Variants in MACO1 observed in about 807,000 individuals in gnomAD.
MACO1 encodes the protein macoilin 1.
A neutral mutation model predicts 78.7 loss-of-function variants in MACO1; 14 were observed. The ratio of observed to expected loss-of-function variants is 0.18; its 90% CI spans 0.12 to 0.28. The LOEUF (loss-of-function observed/expected upper bound fraction) is 0.28, where lower values mean the gene tolerates loss of function less well. Among genes scored for constraint, MACO1 ranks in the 10% least tolerant of loss-of-function variants. The pLI, the probability that MACO1 is intolerant of heterozygous loss-of-function variation, is 1.00. For missense variants in MACO1, 501 were observed against 799.0 expected (o/e 0.63, Z 4.50); for synonymous variants, 288 against 291.6 (o/e 0.99, Z 0.12).
In MACO1 at chr1:25,484,345, G is replaced by C. The variant is rs1472531873; in HGVS notation, c.1313+71G>C. The stretch of plus-strand genomic sequence containing the variant: ...CTGCTTCTCCTGTTGCCAGGGGTTG[G>C]AGCACAAGATTTATGGTGACAGAGA... On this transcript the variant is annotated intron_variant, in intron 7 of 10. Transcript: ENST00000374343. 3 of 1,477,390 alleles carry C rather than the reference G, an allele frequency of 2.0e-6. No individual in the cohort carries two copies. The Admixed American group carries it at 7.5e-5, about 37-fold the overall frequency. The allele number at this position is 1,477,390 out of a possible 1,614,324, so 91.5% of individuals were successfully genotyped here.
chr1:25,456,654 A>G lies in MACO1; in HGVS notation c.475A>G (p.Ile159Val). The G allele has an allele frequency of 6.2e-7, 1 of 1,612,874 alleles. No individual in the cohort carries two copies. Among genetic ancestry groups the G allele is most frequent in the Non-Finnish European group, 8.5e-7 (1 of 1,179,502 alleles). ...DLCRPFAAHC[I>V]GYPVVTLGFG... is the part of the protein sequence containing the mutation. Reference sequence around the variant, plus strand: ...CTGGCTGGATTGTCTTCTTTCTAGTATTGGGTACCCTGTGGTAACTTTGGG... The same window carrying G: ...CTGGCTGGATTGTCTTCTTTCTAGTGTTGGGTACCCTGTGGTAACTTTGGG... Residue 159 changes from isoleucine to valine, a missense_variant and splice_region_variant, in exon 5 of 11, where the codon ATT (isoleucine) becomes GTT (valine). By Grantham distance (29) the Ile-to-Val change is conservative. This residue lies in a region of MACO1 where 171 missense variants were observed against 292.1 expected (regional missense o/e 0.59). Coordinates refer to ENST00000374343, the MANE Select transcript of MACO1 (RefSeq NM_018202.6).
At chr1:25,480,684 T>C (rs2043364069) in intron 6 of MACO1, among the ~76,000 whole-genome samples, 1 of 151,908 alleles carries the variant, frequency 6.6e-6, no homozygotes, top group Non-Finnish European at 1.5e-5. Flanking sequence ...ACCAGCACTT[T>C]AGGAGGCCAA....
chr1:25,458,806 C>T lies in MACO1; in HGVS notation c.1068C>T (p.Cys356=). 1.2e-6 allele frequency: 2 copies of T among 1,614,142 alleles called. No homozygotes were observed. The highest frequency in any genetic ancestry group is 1.7e-6 in the Non-Finnish European group (2 of 1,180,028). The change falls in exon 6 of 11, where the codon TGC becomes TGT. Residue 356 remains cysteine, a synonymous_variant. Coordinates refer to ENST00000374343, the MANE Select transcript of MACO1 (RefSeq NM_018202.6). The part of the protein sequence containing the change: ...SSSKNEKKQK[C]TSKSPSTHKD... ...GTAAAAATGAGAAGAAGCAGAAATG[C>T]ACTAGCAAGAGCCCAAGTACACACA...
At position 25,456,622 on chromosome 1, in the gene MACO1, A is replaced by G. The variant is rs765394580; in HGVS notation, c.474-31A>G. ...GGCACATGTGGTTCATTTTAAACCTACAATTACTGGCTGGATTGTCTTCTT... is the reference window on the plus strand; with the variant it reads ...GGCACATGTGGTTCATTTTAAACCTGCAATTACTGGCTGGATTGTCTTCTT... On this transcript the variant is annotated intron_variant, in intron 4 of 10. Transcript: ENST00000374343. 1.4e-5 allele frequency: 22 copies of G among 1,602,476 alleles called. 1 individual carries two copies. The highest frequency in any genetic ancestry group is 9.0e-5 in the Admixed American group (5 of 55,844).
chr1:25,438,491 GC>G (rs1200047191), intron 1 of MACO1, among the ~76,000 whole-genome samples: 2 of 152,188 alleles, frequency 1.3e-5, no homozygotes, highest in Non-Finnish European at 2.9e-5. Context: ...GAACTAAAAA[GC>G]TGCAAGGCAC....
chr1:25,456,575 A>G (rs35497030), intron 4 of MACO1, 78 bp from the exon 5 acceptor site: 648,211 of 1,420,868 alleles, frequency 0.46, 155,309 homozygotes, highest in East Asian at 0.7. Context: ...TTTTTAAGCC[A>G]TAGGTATTCT....
At chr1:25,497,815 G>C (rs1038243816) in intron 10 of MACO1, among the ~76,000 whole-genome samples, 3 of 152,226 alleles carry the variant, frequency 2.0e-5, no homozygotes, top group Non-Finnish European at 2.9e-5. Flanking sequence ...AAGAGGTGGA[G>C]CCAGAGTTCA....
In MACO1 at chr1:25,498,685, T is replaced by C. The variant is rs568313723; in HGVS notation, c.*219T>C. ...TAGAAGACCTCACAGAACTTTACAG[T>C]TTATTTTTCTCGGCCAACACATTAA... On this transcript the variant is annotated 3_prime_UTR_variant, in exon 11 of 11. Transcript: ENST00000374343. 5.8e-5 allele frequency: 26 copies of C among 447,224 alleles called. No individual in the cohort carries two copies. The South Asian group carries it at 1.6e-3, about 27-fold the overall frequency. The allele number at this position is 447,224 out of a possible 1,614,324, so 27.7% of individuals were successfully genotyped here. A position where few individuals can be genotyped will look rare whatever the true frequency, so the allele number is the denominator to read the frequency against.
At chr1:25,463,636 A>G (rs1398206799) in intron 6 of MACO1, among the ~76,000 whole-genome samples, 4 of 152,210 alleles carry the variant, frequency 2.6e-5, no homozygotes, top group Non-Finnish European at 5.9e-5. Flanking sequence ...AAGGAATAAT[A>G]TAAATTAGAA....
intron 6 of MACO1, among the ~76,000 whole-genome samples, chr1:25,478,970 T>C (rs1445875675): frequency 2.6e-5 from 4 of 152,320 alleles, no homozygotes; most frequent in African/African-American, 7.2e-5. Flanking sequence ...TAAATGAGAT[T>C]GTAGCTCTTC....
chr1:25,480,967 T>A, intron 6 of MACO1, among the ~76,000 whole-genome samples: 3 of 133,058 alleles, frequency 2.3e-5, no homozygotes, highest in African/African-American at 5.7e-5. Context: ...TATATATATA[T>A]ATATATATTT....
intron 1 of MACO1, among the ~76,000 whole-genome samples, chr1:25,435,736 A>T (rs1020488163): frequency 3.3e-5 from 5 of 152,242 alleles, no homozygotes; most frequent in Admixed American, 1.3e-4. Context: ...ACCTGGCACG[A>T]AAGTGATAGA....
intron 6 of MACO1, among the ~76,000 whole-genome samples, chr1:25,474,999 A>G (rs2043307447): frequency 1.3e-5 from 2 of 152,194 alleles, no homozygotes; most frequent in Non-Finnish European, 2.9e-5. Context: ...TAGAAAAACT[A>G]TTATTTTGAT....
chr1:25,463,496 T>C (rs551388436), intron 6 of MACO1, among the ~76,000 whole-genome samples: 1 of 152,342 alleles, frequency 6.6e-6, no homozygotes, highest in East Asian at 1.9e-4. Context: ...ATTGTTTACC[T>C]AAGATATTTA....
intron 3 of MACO1, among the ~76,000 whole-genome samples, chr1:25,451,219 CTT>C (rs1441698329): frequency 6.6e-6 from 1 of 152,122 alleles, no homozygotes; most frequent in Admixed American, 6.5e-5. Flanking sequence ...ATTCCTATAA[CTT>C]GGGGTAGTTG....
chr1:25,477,956 T>A (rs1424043036), intron 6 of MACO1, among the ~76,000 whole-genome samples: 1 of 152,222 alleles, frequency 6.6e-6, no homozygotes, highest in Non-Finnish European at 1.5e-5. Flanking sequence ...ACTTAAATAC[T>A]GTGTTTCAGC....
chr1:25,442,519 T>C (rs985853079), intron 1 of MACO1, among the ~76,000 whole-genome samples: 4 of 152,122 alleles, frequency 2.6e-5, no homozygotes, highest in African/African-American at 9.7e-5. Flanking sequence ...TGGTGGTAAT[T>C]GTGTGGGCTC....
chr1:25,472,403 C>T (rs776877905), intron 6 of MACO1, among the ~76,000 whole-genome samples: 2 of 151,636 alleles, frequency 1.3e-5, no homozygotes, highest in Non-Finnish European at 2.9e-5. Flanking sequence ...TGTGATGTTC[C>T]CCTCCCTGTG....
intron 2 of MACO1, 140 bp from the exon 3 acceptor site, chr1:25,448,668 C>T: frequency 2.9e-6 from 2 of 681,944 alleles, no homozygotes; most frequent in Non-Finnish European, 2.1e-6. Flanking sequence ...TTAAAATTTC[C>T]TTTTGTGAAT....
Sources: allele counts gnomAD v4.1 joint callset (sites outside exome capture counted in the v4.1 genomes callset), GRCh38; gene constraint gnomAD v4.1.1; regional missense constraint gnomAD v4.1.1; transcripts MANE v1.5; gene names NCBI Gene and HGNC (gene_info 2026-07-23, HGNC 2026-07-21).